Variants in RPTOR observed in about 807,000 individuals in gnomAD.
RPTOR encodes regulatory associated protein of MTOR complex 1, also known as regulatory-associated protein of mTOR.
RPTOR carries 21 observed loss-of-function variants against 169.9 expected under a neutral mutation model. That is an observed-to-expected ratio of 0.12 (90% CI 0.09 to 0.18). The LOEUF is 0.18. Among genes scored for constraint, RPTOR ranks in the 10% least tolerant of loss-of-function variants. RPTOR has a pLI of 1.00. For synonymous variants in RPTOR, 732 were observed against 753.2 expected (o/e 0.97, Z 0.46); for missense variants, 1,133 against 1,855.9 (o/e 0.61, Z 7.16).
intron 3 of RPTOR, among the ~76,000 whole-genome samples, chr17:80,689,174 C>G (rs1209745865): frequency 6.6e-6 from 1 of 152,346 alleles, no homozygotes; most frequent in South Asian, 2.1e-4. Context: ...CTTATGAAGT[C>G]AGTAAATCCT....
intron 2 of RPTOR, among the ~76,000 whole-genome samples, chr17:80,632,841 G>T (rs2065452316): frequency 6.6e-6 from 1 of 152,142 alleles, no homozygotes; most frequent in African/African-American, 2.4e-5. Context: ...ACCTTACTCT[G>T]TTGCCCAGGC....
chr17:80,812,554 C>G (rs529787681), intron 7 of RPTOR, among the ~76,000 whole-genome samples: 3 of 152,118 alleles, frequency 2.0e-5, no homozygotes, highest in African/African-American at 7.2e-5. Context: ...CATGAGCCTG[C>G]CGTGATCTAC....
chr17:80,767,864 A>G (rs2066803332), intron 6 of RPTOR, among the ~76,000 whole-genome samples: 2 of 151,588 alleles, frequency 1.3e-5, no homozygotes, highest in Middle Eastern at 3.4e-3. Context: ...TTATGATTTT[A>G]TTTTATTTTA....
intron 5 of RPTOR, among the ~76,000 whole-genome samples, chr17:80,753,581 C>T (rs543658289): frequency 2.2e-5 from 3 of 135,466 alleles, no homozygotes; most frequent in East Asian, 2.2e-4. Flanking sequence ...TGCAGTGAGT[C>T]GAGATCGCGC....
intron 10 of RPTOR, among the ~76,000 whole-genome samples, chr17:80,839,385 G>A (rs560209595): frequency 1.3e-5 from 2 of 152,302 alleles, no homozygotes; most frequent in South Asian, 2.1e-4. Context: ...AATTTACAGT[G>A]AGCACCCCAT....
intron 13 of RPTOR, among the ~76,000 whole-genome samples, chr17:80,862,740 C>T (rs2067933591): frequency 2.7e-5 from 4 of 150,520 alleles, no homozygotes; most frequent in Non-Finnish European, 1.5e-5. Context: ...ATGATGAGTG[C>T]CTCCTGCAGC....
intron 1 of RPTOR, among the ~76,000 whole-genome samples, chr17:80,554,373 A>G (rs1440417560): frequency 6.6e-6 from 1 of 152,170 alleles, no homozygotes; most frequent in Non-Finnish European, 1.5e-5. Context: ...GCCATTATGT[A>G]TCTTTGTGAG....
At chr17:80,685,623 A>G (rs369727538) in intron 3 of RPTOR, among the ~76,000 whole-genome samples, 2 of 26,628 alleles carry the variant, frequency 7.5e-5, no homozygotes, top group Non-Finnish European at 1.3e-4. Flanking sequence ...ATATATATAT[A>G]TATATTTTTT....
chr17:80,707,597 GCCCAGGCTGATCTTGAGCT>G lies in RPTOR; in HGVS notation c.349-240_349-222del, dbSNP rs2066151460. On this transcript the variant is annotated intron_variant, in intron 3 of 33. Coordinates refer to ENST00000306801, the MANE Select transcript of RPTOR (RefSeq NM_020761.3). This position sits in a 1 kb window ranked among gnomAD's most constrained non-coding sequence, Gnocchi z 5.0. ...TGTAGAGATGGGGTCTCATTCTGCTGCCCAGGCTGATCTTGAGCTCCCGGGCTCAACCAGTTCTCCCACC... is the reference window on the plus strand; with the variant it reads ...TGTAGAGATGGGGTCTCATTCTGCTGCCCGGGCTCAACCAGTTCTCCCACC... Among the ~76,000 whole-genome samples the G allele has an allele frequency of 6.6e-6, 1 of 151,378 alleles. No individual in the cohort carries two copies. The highest frequency in any genetic ancestry group is 1.9e-4 in the East Asian group (1 of 5,152).
At chr17:80,930,511 T>TCCTCAGCTCAC (rs1218092500) in intron 24 of RPTOR, among the ~76,000 whole-genome samples, 2 of 66,622 alleles carry the variant, frequency 3.0e-5, no homozygotes, top group Non-Finnish European at 3.3e-5. Flanking sequence ...CCTCAGCTCA[T>TCCTCAGCTCAC]CTTCAGCTTA....
At chr17:80,589,154 A>G (rs974092302) in intron 1 of RPTOR, among the ~76,000 whole-genome samples, 5 of 152,220 alleles carry the variant, frequency 3.3e-5, no homozygotes, top group Admixed American at 6.5e-5. Context: ...TTGGCTTTGC[A>G]TATGGTATGA....
intron 3 of RPTOR, among the ~76,000 whole-genome samples, chr17:80,694,253 C>T (rs1426628867): frequency 6.6e-6 from 1 of 152,214 alleles, no homozygotes; most frequent in Non-Finnish European, 1.5e-5. Flanking sequence ...CAGCTGGTGA[C>T]CTCTCCAGGT....
At chr17:80,813,441 C>T (rs1025715409) in intron 7 of RPTOR, among the ~76,000 whole-genome samples, 12 of 152,294 alleles carry the variant, frequency 7.9e-5, no homozygotes, top group African/African-American at 2.6e-4. Flanking sequence ...TGTGTGTGTG[C>T]TTTATGTGTA....
At chr17:80,932,120 T>C in intron 24 of RPTOR, among the ~76,000 whole-genome samples, 1 of 147,938 alleles carries the variant, frequency 6.8e-6, no homozygotes, top group South Asian at 2.2e-4. Context: ...AGTCTAGTAA[T>C]AGAGGCACAC....
In RPTOR at chr17:80,912,734, A is replaced by C. The variant is rs2068627581; in HGVS notation, c.2520+3805A>C. 3.3e-5 allele frequency among the ~76,000 whole-genome samples: 5 copies of C among 152,168 alleles called. No homozygotes were observed. In the South Asian group the frequency reaches 1.0e-3, roughly 32 times the overall value. On this transcript the variant is annotated intron_variant, in intron 21 of 33. Transcript: ENST00000306801. The stretch of plus-strand genomic sequence containing the variant: ...TCCCACCACGGTAAGGCAGTTAAGC[A>C]CCTGCGTCTGCCTTTCATGTTAGCA...
Position 80,592,888 on chromosome 17 carries a change from C to T in RPTOR, c.163-32803C>T, listed in dbSNP as rs578006478. 3.2e-4 allele frequency among the ~76,000 whole-genome samples: 48 copies of T among 152,212 alleles called. 1 individual carries two copies. Among genetic ancestry groups the T allele is most frequent in the African/African-American group, 1.1e-3 (45 of 41,538 alleles). On this transcript the variant is annotated intron_variant, in intron 1 of 33. Transcript: ENST00000306801. Reference sequence around the variant, plus strand: ...CTGGCGCCTGGATCTGCACTGATGGCGGGCGCAATGGCGGGCAGTGCTGTC... The same window carrying T: ...CTGGCGCCTGGATCTGCACTGATGGTGGGCGCAATGGCGGGCAGTGCTGTC...
At chr17:80,680,296 G>T (rs564121836) in intron 3 of RPTOR, among the ~76,000 whole-genome samples, 5 of 152,190 alleles carry the variant, frequency 3.3e-5, no homozygotes, top group African/African-American at 1.2e-4. Context: ...TCCTAGAAGA[G>T]AATGACAGGA....
At chr17:80,711,894 C>T (rs1004995458) in intron 4 of RPTOR, among the ~76,000 whole-genome samples, 4 of 151,912 alleles carry the variant, frequency 2.6e-5, no homozygotes, top group African/African-American at 9.7e-5. Flanking sequence ...CAGGCGCCCG[C>T]CGCCACGCCC....
At chr17:80,923,391 C>G in intron 22 of RPTOR, 99 bp from the exon 23 acceptor site, 1 of 1,383,978 alleles carries the variant, frequency 7.2e-7, no homozygotes, top group Non-Finnish European at 1.0e-6. Context: ...CCTGGTGGCA[C>G]CTGGGAGGGT....
Sources: allele counts gnomAD v4.1 joint callset (sites outside exome capture counted in the v4.1 genomes callset), GRCh38; gene constraint gnomAD v4.1.1; non-coding constraint Gnocchi (gnomAD v3.1); transcripts MANE v1.5; gene names NCBI Gene and HGNC (gene_info 2026-07-23, HGNC 2026-07-21).